Variants in ACAP2 observed in about 807,000 individuals in gnomAD.
ACAP2 encodes the protein ArfGAP with coiled-coil, ankyrin repeat and PH domains 2.
In ACAP2, 39 loss-of-function variants were observed where a neutral mutation model predicts 115.8. The observed-to-expected ratio is 0.34, with a 90% CI of 0.26 to 0.44. The LOEUF is 0.44. Ranked by LOEUF, ACAP2 falls within the 20% of genes least tolerant of loss-of-function variation. The probability of loss-of-function intolerance (pLI) is 1.00; values close to 1 mark genes in which losing one functional copy is unlikely to be tolerated. For missense variants in ACAP2, 662 were observed against 927.6 expected, an observed-to-expected ratio of 0.71 and a Z score of 3.72; for synonymous variants, 289 against 315.8, an observed-to-expected ratio of 0.92 and a Z score of 0.90.
chr3:195,327,273 A>C (rs373057342), intron 8 of ACAP2, among the ~76,000 whole-genome samples: 1 of 152,314 alleles, frequency 6.6e-6, no homozygotes, highest in Non-Finnish European at 1.5e-5. Flanking sequence ...AAATGACTCT[A>C]GCTTAGGCTC....
chr3:195,303,210 G>A (rs541219350), intron 13 of ACAP2, among the ~76,000 whole-genome samples: 1 of 152,100 alleles, frequency 6.6e-6, no homozygotes, highest in East Asian at 1.9e-4. Context: ...GTGACAGAGT[G>A]AGACTCCGTC....
At chr3:195,326,847 T>C in intron 9 of ACAP2, 38 bp downstream of exon 9, 1 of 1,576,474 alleles carries the variant, frequency 6.3e-7, no homozygotes, top group Non-Finnish European at 8.7e-7. Context: ...AGCCATTGTA[T>C]AAAGTGGAAT....
intron 4 of ACAP2, among the ~76,000 whole-genome samples, chr3:195,367,052 CAAA>C (rs35590029): frequency 2.6e-5 from 2 of 76,230 alleles, no homozygotes; most frequent in Non-Finnish European, 2.8e-5. Context: ...CCAACCCCGC[CAAA>C]AAAAAAAAAA....
At chr3:195,297,073 A>C in intron 16 of ACAP2, 117 bp downstream of exon 16, 1 of 809,806 alleles carries the variant, frequency 1.2e-6, no homozygotes, top group South Asian at 1.7e-5. Flanking sequence ...ACATTCGAAC[A>C]GAAGTGGTAA....
intron 21 of ACAP2, among the ~76,000 whole-genome samples, chr3:195,286,381 A>G (rs1256289866): frequency 1.3e-5 from 2 of 152,236 alleles, no homozygotes; most frequent in African/African-American, 4.8e-5. Flanking sequence ...TAACATTACC[A>G]TATTGCTTAT....
At chr3:195,424,241 T>TG (rs752013828) in intron 1 of ACAP2, among the ~76,000 whole-genome samples, 26,431 of 120,504 alleles carry the variant, frequency 0.22, 3,564 homozygotes, top group East Asian at 0.63. Context: ...TGTGTGTGTG[T>TG]GTGGTGTGTG....
rs1727593926 is a variant in ACAP2 at position 195,295,631 on chromosome 3, G to T, written c.1672+77C>A. On this transcript the variant is annotated intron_variant, in intron 17 of 22. Coordinates refer to ENST00000326793, the MANE Select transcript of ACAP2 (RefSeq NM_012287.6). ...TTTAACATTAAAAAAAACGACAATG[G>T]CTATTAGTTCAGGGATTATAAAAGT... is the stretch of plus-strand genomic sequence containing the variant. 5.4e-6 allele frequency: 8 copies of T among 1,480,002 alleles called. No individual in the cohort carries two copies. In the East Asian group the frequency reaches 9.1e-5, roughly 17 times the overall value. 91.7% of individuals were successfully genotyped at this position (1,480,002 alleles called of 1,614,324 possible).
chr3:195,409,185 T>C (rs780452279), intron 1 of ACAP2, among the ~76,000 whole-genome samples: 3 of 151,998 alleles, frequency 2.0e-5, no homozygotes, highest in Admixed American at 6.5e-5. Context: ...ATTTTGTATG[T>C]AGAAAACCCT....
intron 4 of ACAP2, among the ~76,000 whole-genome samples, chr3:195,368,821 C>T (rs1051908642): frequency 2.0e-5 from 3 of 152,194 alleles, no homozygotes; most frequent in African/African-American, 7.2e-5. Context: ...CAGTGGCTCA[C>T]GCCTGTAATC....
intron 13 of ACAP2, among the ~76,000 whole-genome samples, chr3:195,303,354 A>G (rs1560220337): frequency 6.6e-6 from 1 of 151,932 alleles, no homozygotes; most frequent in Non-Finnish European, 1.5e-5. Flanking sequence ...TATTGTAGTA[A>G]GCCAAGATCA....
At chr3:195,336,078 A>AT (rs1440531241) in intron 7 of ACAP2, 1 of 151,246 alleles carries the variant, frequency 6.6e-6, no homozygotes, top group Non-Finnish European at 1.5e-5. Flanking sequence ...ATTTTTTTGT[A>AT]TTTTTAGTTC....
chr3:195,442,981 G>A lies in ACAP2; in HGVS notation c.-134C>T, dbSNP rs1468958993. The A allele has an allele frequency of 8.3e-6, 6 of 723,766 alleles. No individual in the cohort carries two copies. The highest frequency in any genetic ancestry group is 1.2e-5 in the Non-Finnish European group (6 of 480,424). The allele number at this position is 723,766 out of a possible 1,614,324, so 44.8% of individuals were successfully genotyped here. On this transcript the variant is annotated 5_prime_UTR_variant, in exon 1 of 23. Transcript: ENST00000326793. ...CGGAGCTGCGAAGGGCGCCTCGCCC[G>A]CTGGTCATAGCAGCCGCGAAGACGG...
intron 8 of ACAP2, among the ~76,000 whole-genome samples, chr3:195,331,071 T>C (rs1328598795): frequency 6.6e-6 from 1 of 152,224 alleles, no homozygotes; most frequent in Non-Finnish European, 1.5e-5. Flanking sequence ...TTCTATTACT[T>C]GCAAACAAAC....
chr3:195,328,526 G>A (rs921520420), intron 8 of ACAP2, among the ~76,000 whole-genome samples: 7 of 152,142 alleles, frequency 4.6e-5, no homozygotes, highest in Non-Finnish European at 8.8e-5. Flanking sequence ...TTAGTGACAC[G>A]TAGCATTGAT....
At chr3:195,283,338 A>G (rs562016979) in intron 22 of ACAP2, among the ~76,000 whole-genome samples, 9 of 152,326 alleles carry the variant, frequency 5.9e-5, no homozygotes, top group African/African-American at 2.2e-4. Flanking sequence ...AGGGAGTCCC[A>G]GGTCCCTAGG....
intron 4 of ACAP2, among the ~76,000 whole-genome samples, chr3:195,364,778 G>A (rs976309151): frequency 1.3e-5 from 2 of 152,070 alleles, no homozygotes; most frequent in Non-Finnish European, 1.5e-5. Context: ...ACTCTCAGAC[G>A]TATATCCAAA....
intron 12 of ACAP2, 90 bp downstream of exon 12, chr3:195,307,133 G>A (rs1448726341): frequency 1.9e-6 from 2 of 1,027,360 alleles, no homozygotes; most frequent in African/African-American, 1.6e-5. Flanking sequence ...CACAGATACA[G>A]ACAAATGCAA....
intron 1 of ACAP2, among the ~76,000 whole-genome samples, chr3:195,413,219 CCA>C (rs535985541): frequency 1.7e-3 from 261 of 152,214 alleles, no homozygotes; most frequent in African/African-American, 6.0e-3. Flanking sequence ...TTGAGGTACA[CCA>C]CAGTCTAATT....
intron 1 of ACAP2, among the ~76,000 whole-genome samples, chr3:195,416,737 C>T (rs1713762875): frequency 6.6e-6 from 1 of 152,128 alleles, no homozygotes; most frequent in Admixed American, 6.5e-5. Flanking sequence ...AGCACAAAAA[C>T]TTTGAAAATA....
Sources: allele counts gnomAD v4.1 joint callset (sites outside exome capture counted in the v4.1 genomes callset), GRCh38; gene constraint gnomAD v4.1.1; transcripts MANE v1.5; gene names NCBI Gene and HGNC (gene_info 2026-07-23, HGNC 2026-07-21).